NALF1: variants seen among roughly 807,000 people sequenced by gnomAD.
The protein encoded by NALF1 is family with sequence similarity 155 member A.
A neutral mutation model predicts 48.4 loss-of-function variants in NALF1; 3 were observed. That is an observed-to-expected ratio of 0.06 (90% CI 0.03 to 0.16). NALF1 has a LOEUF of 0.16. NALF1 is among the 10% of genes least tolerant of loss of function. The pLI, the probability that NALF1 is intolerant of heterozygous loss-of-function variation, is 1.00. For missense variants in NALF1, 526 were observed against 571.5 expected (o/e 0.92, Z 0.81); for synonymous variants, 262 against 245.7 (o/e 1.07, Z -0.62).
chr13:107,206,666 C>A (rs1879650458), intron 2 of NALF1, among the ~76,000 whole-genome samples: 3 of 152,056 alleles, frequency 2.0e-5, no homozygotes. Context: ...GCCAATAGGA[C>A]AATGACAGGA....
chr13:107,452,848 T>C (rs1884764903), intron 1 of NALF1, among the ~76,000 whole-genome samples: 1 of 152,144 alleles, frequency 6.6e-6, no homozygotes, highest in South Asian at 2.1e-4. Context: ...AGGCCTTAGA[T>C]AAATACACCC....
Position 107,248,959 on chromosome 13 carries a change from CACATATATATATGTATATACACA to C in NALF1, c.916-38227_916-38205del, listed in dbSNP as rs1317434100. On this transcript the variant is annotated intron_variant, in intron 1 of 2. Transcript: ENST00000375915. ...TAACATATATATATATTTGTACACA[CACATATATATATGTATATACACA>C]ACATATATATATGTTGTGTAGACTC... 6.2e-5 allele frequency among the ~76,000 whole-genome samples: 9 copies of C among 145,598 alleles called. No individual in the cohort carries two copies. In the South Asian group the frequency reaches 1.9e-3, roughly 31 times the overall value.
intron 1 of NALF1, among the ~76,000 whole-genome samples, chr13:107,522,074 T>C (rs1876261159): frequency 6.6e-6 from 1 of 152,076 alleles, no homozygotes. Flanking sequence ...CAATTAGAGA[T>C]ACTGTTAAAG....
At chr13:107,734,408 A>AC (rs1555321940) in intron 1 of NALF1, among the ~76,000 whole-genome samples, 3,045 of 25,294 alleles carry the variant, frequency 0.12, 92 homozygotes, top group Middle Eastern at 0.23. Context: ...CTTTAAAAAA[A>AC]AACACACACA....
At chr13:107,662,780 C>T (rs1425807706) in intron 1 of NALF1, among the ~76,000 whole-genome samples, 3 of 151,984 alleles carry the variant, frequency 2.0e-5, no homozygotes, top group African/African-American at 7.2e-5. Context: ...GATAATGATA[C>T]CATTATTAGT....
At chr13:107,814,003 G>A (rs541049043) in intron 1 of NALF1, among the ~76,000 whole-genome samples, 18 of 152,174 alleles carry the variant, frequency 1.2e-4, no homozygotes. Context: ...GATAATAGGG[G>A]GAGTACAAAG....
intron 1 of NALF1, among the ~76,000 whole-genome samples, chr13:107,387,693 A>T (rs563368996): frequency 6.6e-6 from 1 of 152,316 alleles, no homozygotes; most frequent in Non-Finnish European, 1.5e-5. Context: ...AGAATTAGAG[A>T]GTCAGACTGC....
intron 1 of NALF1, among the ~76,000 whole-genome samples, chr13:107,696,085 C>T (rs1174375875): frequency 2.0e-5 from 3 of 151,986 alleles, no homozygotes; most frequent in Non-Finnish European, 2.9e-5. Context: ...TTAGTAGAGA[C>T]GGGGTTTGCA....
At chr13:107,425,668 C>A (rs1460800541) in intron 1 of NALF1, among the ~76,000 whole-genome samples, 1 of 151,980 alleles carries the variant, frequency 6.6e-6, no homozygotes, top group African/African-American at 2.4e-5. Context: ...TATCTCTCTA[C>A]TATGATTTGG....
At chr13:107,201,273 A>C (rs1879512232) in intron 2 of NALF1, among the ~76,000 whole-genome samples, 1 of 152,180 alleles carries the variant, frequency 6.6e-6, no homozygotes, top group Admixed American at 6.5e-5. Context: ...AAGAGATCAG[A>C]AGGAAGTTTC....
rs141844977 is a variant in NALF1 at position 107,355,526 on chromosome 13, T to C, written c.916-144771A>G. Reference sequence around the variant, plus strand: ...CATTACAATAGAATTGTAGTTCCTATTGCTCGGGGAGGGACCTGGCGGGGG... The same window carrying C: ...CATTACAATAGAATTGTAGTTCCTACTGCTCGGGGAGGGACCTGGCGGGGG... On this transcript the variant is annotated intron_variant, in intron 1 of 2. Coordinates refer to ENST00000375915, the MANE Select transcript of NALF1 (RefSeq NM_001080396.3). Among the ~76,000 whole-genome samples, 1,088 of 152,246 alleles carry C rather than the reference T, an allele frequency of 7.1e-3. 3 individuals are homozygous for C. The highest frequency in any genetic ancestry group is 0.013 in the Non-Finnish European group (870 of 68,014).
rs1884876116 is a variant in NALF1 at position 107,459,194 on chromosome 13, C to G, written c.916-248439G>C. ...AGCTGGTATCCAGTTCCAAAATATA[C>G]AAAGAACTCATAAAACCCAGGAAAA... On this transcript the variant is annotated intron_variant, in intron 1 of 2. Coordinates refer to ENST00000375915, the MANE Select transcript of NALF1 (RefSeq NM_001080396.3). Among the ~76,000 whole-genome samples, 3 of 151,896 alleles carry G rather than the reference C, an allele frequency of 2.0e-5. No individual in the cohort carries two copies. In the South Asian group the frequency reaches 6.2e-4, roughly 32 times the overall value.
At chr13:107,524,076 C>G (rs1046765112) in intron 1 of NALF1, among the ~76,000 whole-genome samples, 3 of 152,094 alleles carry the variant, frequency 2.0e-5, no homozygotes, top group Non-Finnish European at 4.4e-5. Flanking sequence ...CCTCTCTATA[C>G]ATATTTTTAA....
intron 1 of NALF1, among the ~76,000 whole-genome samples, chr13:107,348,059 A>G (rs1427978958): frequency 4.6e-5 from 7 of 152,250 alleles, no homozygotes; most frequent in Admixed American, 2.6e-4. Flanking sequence ...AGTTCAGAAC[A>G]TGCTGGTTAG....
intron 1 of NALF1, among the ~76,000 whole-genome samples, chr13:107,756,568 T>C (rs16971057): frequency 0.065 from 9,834 of 152,092 alleles, 539 homozygotes; most frequent in African/African-American, 0.16. Flanking sequence ...AGCTTTCGTA[T>C]TGTTACGACT....
At chr13:107,291,259 A>G (rs752482345) in intron 1 of NALF1, among the ~76,000 whole-genome samples, 1 of 152,074 alleles carries the variant, frequency 6.6e-6, no homozygotes, top group African/African-American at 2.4e-5. Flanking sequence ...GCTCTGATTT[A>G]GTGTTTCCTG....
chr13:107,620,708 T>G (rs1266622877), intron 1 of NALF1, among the ~76,000 whole-genome samples: 1 of 152,160 alleles, frequency 6.6e-6, no homozygotes, highest in Non-Finnish European at 1.5e-5. Flanking sequence ...ACGTGACAGA[T>G]ATATATGGGC....
intron 1 of NALF1, among the ~76,000 whole-genome samples, chr13:107,535,010 C>A (rs1013585380): frequency 2.0e-5 from 3 of 152,064 alleles, no homozygotes; most frequent in Non-Finnish European, 4.4e-5. Context: ...TATAAGAATG[C>A]TTGTGATTTT....
intron 1 of NALF1, among the ~76,000 whole-genome samples, chr13:107,278,962 A>T (rs1881333203): frequency 2.0e-5 from 3 of 152,110 alleles, no homozygotes; most frequent in African/African-American, 4.8e-5. Context: ...GATTGGCTTC[A>T]AAGAAAATGA....
Sources: gnomAD v4.1 joint callset for allele counts (sites outside exome capture counted in the v4.1 genomes callset) on GRCh38, gnomAD v4.1.1 for gene constraint, MANE v1.5 for transcripts, NCBI Gene and HGNC (gene_info 2026-07-23, HGNC 2026-07-21) for gene names.